The following GPSM1 variants were observed in gnomAD, a reference collection of about 807,000 sequenced individuals.
GPSM1 encodes G protein-signaling modulator 1.
GPSM1 carries 48 observed loss-of-function variants against 70.5 expected under a neutral mutation model. The ratio of observed to expected loss-of-function variants is 0.68; its 90% confidence interval spans 0.54 to 0.87. GPSM1 has a LOEUF of 0.87. Ranked by LOEUF, GPSM1 falls within the 40% of genes least tolerant of loss-of-function variation. The pLI is 0.00. For synonymous variants in GPSM1, 416 were observed against 430.1 expected, an observed-to-expected ratio of 0.97 and a Z score of 0.41; for missense variants, 981 against 972.6, an observed-to-expected ratio of 1.01 and a Z score of -0.11.
chr9:136,354,581 C>T (rs73670232), intron 11 of GPSM1, among the ~76,000 whole-genome samples: 3,039 of 152,340 alleles, frequency 0.02, 93 homozygotes, highest in African/African-American at 0.067. Flanking sequence ...CTGCCAGCGC[C>T]GGTCGGGAGG....
At position 136,337,026 on chromosome 9, in the gene GPSM1, C is replaced by G. The variant is rs1554769364; in HGVS notation, c.532C>G (p.Pro178Ala). 2.6e-6 allele frequency: 4 copies of G among 1,551,914 alleles called. No individual in the cohort carries two copies. The highest frequency in any genetic ancestry group is 3.5e-6 in the Non-Finnish European group (4 of 1,147,770). The change falls in exon 4 of 14, where the codon CCG becomes GCG. Residue 178 changes from proline to alanine, a missense_variant. Physicochemically the swap from Pro to Ala is conservative, Grantham distance 27. Transcript: ENST00000440944. ...CGCCACGCAGGACCCCGGGCACCTG[C>G]CGCCCGATGTCCGAGAGACCCTGTG... ...ANATQDPGHL[P>A]PDVRETLCKA...
chr9:136,355,999 C>A (rs557646725), intron 12 of GPSM1, among the ~76,000 whole-genome samples, 153 bp downstream of exon 12: 2 of 152,128 alleles, frequency 1.3e-5, no homozygotes, highest in East Asian at 3.9e-4. Context: ...CCGCAGCCCC[C>A]ACAGAGCAGC....
chr9:136,347,636 C>A (rs1832554999), intron 9 of GPSM1, among the ~76,000 whole-genome samples: 3 of 152,208 alleles, frequency 2.0e-5, no homozygotes. Context: ...CAGGGAAGCG[C>A]CCGCAGACCC....
intron 1 of GPSM1, among the ~76,000 whole-genome samples, chr9:136,330,748 G>A (rs1440509048): frequency 1.3e-5 from 2 of 152,196 alleles, no homozygotes; most frequent in Non-Finnish European, 1.5e-5. Context: ...TGAGGGACAC[G>A]GCTTTCGGGT....
chr9:136,356,749 G>A (rs1554773267), intron 13 of GPSM1, among the ~76,000 whole-genome samples, 199 bp downstream of exon 13: 2 of 152,120 alleles, frequency 1.3e-5, no homozygotes, highest in Admixed American at 1.3e-4. Context: ...TGGGAACCCC[G>A]GGCTGCTGGA....
At chr9:136,338,325 G>A (rs1349546492) in intron 6 of GPSM1, among the ~76,000 whole-genome samples, 7 of 152,182 alleles carry the variant, frequency 4.6e-5, no homozygotes, top group South Asian at 2.1e-4. Context: ...GAGTGGTGGC[G>A]GCTCAGGGTG....
chr9:136,357,657 G>A (rs953990080), intron 13 of GPSM1, among the ~76,000 whole-genome samples: 15 of 152,202 alleles, frequency 9.9e-5, no homozygotes, highest in African/African-American at 2.2e-4. Flanking sequence ...GGACGGCCAC[G>A]CATGCCCGTC....
rs1832395760 is a variant in GPSM1 at position 136,341,664 on chromosome 9, C to T, written c.1207+671C>T. 8 of 997,256 alleles carry T rather than the reference C, an allele frequency of 8.0e-6. No homozygotes were observed. Among genetic ancestry groups the T allele is most frequent in the Non-Finnish European group, 9.6e-6 (8 of 836,526 alleles). The allele number at this position is 997,256 out of a possible 1,614,324, so 61.8% of individuals were successfully genotyped here. ...GCCCCACCCATGTGTCCCCCACTCC[C>T]AAAGGTCTTGAGTTTGCCAGCCCCC... is the stretch of plus-strand genomic sequence containing the variant. On this transcript the variant is annotated intron_variant, in intron 9 of 13. Coordinates refer to ENST00000440944, the MANE Select transcript of GPSM1 (RefSeq NM_001145638.3). The surrounding 1 kb of genome is among the most constrained non-coding windows in gnomAD (Gnocchi z 6.7).
intron 11 of GPSM1, chr9:136,354,858 T>C (rs1418919735): frequency 1.0e-6 from 1 of 1,003,692 alleles, no homozygotes; most frequent in Non-Finnish European, 1.2e-6. Context: ...ACACAGGGTG[T>C]GGTGGGCACA....
In GPSM1 at chr9:136,343,009, CG is replaced by C. The variant is rs1832432513; in HGVS notation, c.1207+2017del. ...CCGTTGATAAACACAAGGAGACTTA[CG>C]TGCGGCTGGAGGACAAAGAGCCTTG... On this transcript the variant is annotated intron_variant, in intron 9 of 13. Transcript: ENST00000440944. The surrounding 1 kb of genome is among the most constrained non-coding windows in gnomAD (Gnocchi z 6.0). Among the ~76,000 whole-genome samples, 1 of 152,106 alleles carries C rather than the reference CG, an allele frequency of 6.6e-6. No individual in the cohort carries two copies. Among genetic ancestry groups the C allele is most frequent in the Non-Finnish European group, 1.5e-5 (1 of 67,992 alleles).
rs185810802 is a variant in GPSM1 at position 136,349,770 on chromosome 9, G to A, written c.1455+7G>A. 8.4e-5 allele frequency: 132 copies of A among 1,564,924 alleles called. No individual in the cohort carries two copies. In the African/African-American group the frequency reaches 9.6e-4, roughly 11 times the overall value. On this transcript the variant is annotated splice_region_variant and intron_variant, in intron 11 of 13. Transcript: ENST00000440944. ...GGTGCACGTGCCACGCACGGTAGGC[G>A]TCTTTGACGGCAGATCCAGGCCGAG... is the stretch of plus-strand genomic sequence containing the variant.
intron 1 of GPSM1, among the ~76,000 whole-genome samples, chr9:136,330,058 G>A (rs1345363788): frequency 1.3e-5 from 2 of 152,138 alleles, no homozygotes; most frequent in African/African-American, 2.4e-5. Flanking sequence ...CCACTTGCCA[G>A]GGGCTCCCTG....
At position 136,349,744 on chromosome 9, in the gene GPSM1, G is replaced by A. The variant is rs782139573; in HGVS notation, c.1436G>A (p.Arg479Gln). 149 of 1,581,042 alleles carry A rather than the reference G, an allele frequency of 9.4e-5. No individual in the cohort carries two copies. The highest frequency in any genetic ancestry group is 1.3e-4 in the African/African-American group (10 of 74,436). The stretch of plus-strand genomic sequence containing the variant: ...TCCCCGCTGGACAGCGCCGACGTCC[G>A]GGTGCACGTGCCACGCACGGTAGGC... ...SHSPLDSADV[R>Q]VHVPRTSIPR... Residue 479 changes from arginine (R) to glutamine (Q), a missense_variant, in exon 11 of 14, where the codon CGG becomes CAG. Physicochemically the swap from Arg to Gln is conservative, Grantham distance 43. Transcript: ENST00000440944.
rs1564347708 is a variant in GPSM1 at position 136,341,609 on chromosome 9, G to A, written c.1207+616G>A. On this transcript the variant is annotated intron_variant, in intron 9 of 13. Transcript: ENST00000440944. The surrounding 1 kb of genome is among the most constrained non-coding windows in gnomAD (Gnocchi z 6.7). The stretch of plus-strand genomic sequence containing the variant: ...CGACTTCCTGAGGTGGCTGGCAGGT[G>A]GGTGAGGGGCAGGCTTGGGGGGAGC... 1 of 1,016,102 alleles carries A rather than the reference G, an allele frequency of 9.8e-7. No individual in the cohort carries two copies. The highest frequency in any genetic ancestry group is 1.2e-6 in the Non-Finnish European group (1 of 848,176). The allele number at this position is 1,016,102 out of a possible 1,614,324, so 62.9% of individuals were successfully genotyped here.
chr9:136,335,787 C>T (rs1335213561), intron 2 of GPSM1, among the ~76,000 whole-genome samples, 179 bp from the exon 3 acceptor site: 2 of 152,176 alleles, frequency 1.3e-5, no homozygotes, highest in Admixed American at 6.5e-5. Flanking sequence ...GGGCTGCCCT[C>T]GGGCCTCACT....
intron 9 of GPSM1, among the ~76,000 whole-genome samples, chr9:136,344,752 CTGG>C (rs386739576): frequency 7.9e-5 from 12 of 152,240 alleles, no homozygotes; most frequent in African/African-American, 2.7e-4. Context: ...AGGGGCCAGC[CTGG>C]TAGGTGAAGG....
chr9:136,342,481 C>T lies in GPSM1; in HGVS notation c.1207+1488C>T, dbSNP rs1380311617. 1.3e-5 allele frequency among the ~76,000 whole-genome samples: 2 copies of T among 152,084 alleles called. No homozygotes were observed. The highest frequency in any genetic ancestry group is 2.9e-5 in the Non-Finnish European group (2 of 68,026). ...GCGGGACCCCTTCCAGCCGGCCGGA[C>T]GCCTCCTCCCCCAGGGCTGGGGAAG... On this transcript the variant is annotated intron_variant, in intron 9 of 13. Transcript: ENST00000440944. This position sits in a 1 kb window ranked among gnomAD's most constrained non-coding sequence, Gnocchi z 5.5.
At position 136,340,984 on chromosome 9, in the gene GPSM1, G is replaced by A; in HGVS notation, c.1198G>A (p.Glu400Lys). The change falls in exon 9 of 14, where the codon GAG (glutamate) becomes AAG (lysine). Residue 400 changes from glutamate (E) to lysine (K), a missense_variant. Coordinates refer to ENST00000440944, the MANE Select transcript of GPSM1 (RefSeq NM_001145638.3). The surrounding 1 kb of genome is among the most constrained non-coding windows in gnomAD (Gnocchi z 7.3). Reference protein sequence around the residue: ...ASEKPDLAGYEAQGARPKRTQ... With the variant: ...ASEKPDLAGYKAQGARPKRTQ... Reference sequence around the variant, plus strand: ...AGAGAAGCCTGACCTGGCCGGCTATGAGGCCCAGGGTGAGTTCCAGGGTTG... The same window carrying A: ...AGAGAAGCCTGACCTGGCCGGCTATAAGGCCCAGGGTGAGTTCCAGGGTTG... 1 of 1,566,490 alleles carries A rather than the reference G, an allele frequency of 6.4e-7. No homozygotes were observed. Among genetic ancestry groups the A allele is most frequent in the Non-Finnish European group, 8.6e-7 (1 of 1,156,128 alleles).
Position 136,335,822 on chromosome 9 carries a change from A to G in GPSM1, c.291-144A>G, listed in dbSNP as rs28460663. The G allele has an allele frequency of 2.1e-3, 1,694 of 815,522 alleles. 47 individuals carry two copies. The East Asian group carries it at 0.042, about 20-fold the overall frequency. The allele number at this position is 815,522 out of a possible 1,614,324, so 50.5% of individuals were successfully genotyped here. On this transcript the variant is annotated intron_variant, in intron 2 of 13. Coordinates refer to ENST00000440944, the MANE Select transcript of GPSM1 (RefSeq NM_001145638.3). ...TTGCCCGGCCTGTGGGCCCCTGCCC[A>G]GTATCACCTCAGGGGTTGCAGGCTC...
Sources: gnomAD v4.1 joint callset for allele counts (sites outside exome capture counted in the v4.1 genomes callset) on GRCh38, gnomAD v4.1.1 for gene constraint, Gnocchi (gnomAD v3.1) non-coding constraint, MANE v1.5 for transcripts, NCBI Gene and HGNC (gene_info 2026-07-23, HGNC 2026-07-21) for gene names.